The following PARD6G variants were observed in gnomAD, a reference collection of about 807,000 sequenced individuals.
PARD6G encodes the protein par-6 family cell polarity regulator gamma.
PARD6G carries 7 observed loss-of-function variants against 10.7 expected under a neutral mutation model. The observed-to-expected ratio is 0.66, with a 90% CI of 0.37 to 1.23. PARD6G has a LOEUF of 1.23. Ranked by LOEUF, PARD6G falls within the 50% of genes most tolerant of loss-of-function variation. The pLI is 0.02. For synonymous variants in PARD6G, 287 were observed against 269.4 expected (o/e 1.07, Z -0.64); for missense variants, 548 against 571.8 (o/e 0.96, Z 0.42).
intron 1 of PARD6G, among the ~76,000 whole-genome samples, chr18:80,212,434 G>C (rs1238335199): frequency 6.6e-6 from 1 of 152,266 alleles, no homozygotes; most frequent in Non-Finnish European, 1.5e-5. Context: ...GCTGCAGTAT[G>C]AAAGTGCCGG....
At chr18:80,222,359 G>T (rs921480680) in intron 1 of PARD6G, among the ~76,000 whole-genome samples, 4 of 152,220 alleles carry the variant, frequency 2.6e-5, no homozygotes, top group African/African-American at 9.6e-5. Context: ...AAAGTGTTGG[G>T]ACTATAAGCA....
At chr18:80,186,258 G>A (rs1186408114) in intron 2 of PARD6G, among the ~76,000 whole-genome samples, 3 of 133,788 alleles carry the variant, frequency 2.2e-5, no homozygotes, top group Non-Finnish European at 4.7e-5. Flanking sequence ...TCACACACAT[G>A]CACCCACACA....
chr18:80,240,798 G>T (rs1018987635), intron 1 of PARD6G, among the ~76,000 whole-genome samples: 3 of 152,166 alleles, frequency 2.0e-5, no homozygotes, highest in Non-Finnish European at 4.4e-5. Flanking sequence ...GGAGACGTGA[G>T]GCTGTGGATC....
rs1418134890 is a variant in PARD6G, at chr18:80,183,314, AAAC to A, written c.295+19393_295+19395del. ...TACGCTGACCTTCTCAGTGGCTCTA[AAAC>A]AACAAGCGAAAGACAAAAAACCACC... On this transcript the variant is annotated intron_variant, in intron 2 of 2. Coordinates refer to ENST00000353265, the MANE Select transcript of PARD6G (RefSeq NM_032510.4). This position sits in a 1 kb window ranked among gnomAD's most constrained non-coding sequence, Gnocchi z 4.5. Among the ~76,000 whole-genome samples, 1 of 152,196 alleles carries A rather than the reference AAAC, an allele frequency of 6.6e-6. No homozygotes were observed. The highest frequency in any genetic ancestry group is 6.5e-5 in the Admixed American group (1 of 15,288).
At chr18:80,237,302 A>G (rs1275040642) in intron 1 of PARD6G, among the ~76,000 whole-genome samples, 1 of 152,198 alleles carries the variant, frequency 6.6e-6, no homozygotes, top group African/African-American at 2.4e-5. Flanking sequence ...AGCCATATGT[A>G]GAAAGCTGAA....
chr18:80,166,840 T>G (rs2052739379), intron 2 of PARD6G, among the ~76,000 whole-genome samples: 1 of 151,790 alleles, frequency 6.6e-6, no homozygotes, highest in Non-Finnish European at 1.5e-5. Context: ...TCAGGGCCCC[T>G]TCTCCACACC....
chr18:80,245,757 C>T (rs866172302), intron 1 of PARD6G, among the ~76,000 whole-genome samples: 14 of 152,290 alleles, frequency 9.2e-5, no homozygotes, highest in African/African-American at 2.9e-4. Context: ...ACCTCCCGCC[C>T]ATGCTTGTGG....
intron 1 of PARD6G, among the ~76,000 whole-genome samples, chr18:80,241,238 G>A (rs1408791419): frequency 6.6e-6 from 1 of 152,150 alleles, no homozygotes; most frequent in African/African-American, 2.4e-5. Context: ...CCTGAGAGGG[G>A]TGTGAGCCCT....
At position 80,247,431 on chromosome 18, in the gene PARD6G, C is replaced by G; in HGVS notation, c.-83G>C. 4 of 932,076 alleles carry G rather than the reference C, an allele frequency of 4.3e-6. No individual in the cohort carries two copies. The allele number at this position is 932,076 out of a possible 1,614,324, so 57.7% of individuals were successfully genotyped here. On this transcript the variant is annotated 5_prime_UTR_variant, in exon 1 of 3. Coordinates refer to ENST00000353265, the MANE Select transcript of PARD6G (RefSeq NM_032510.4). This position sits in a 1 kb window ranked among gnomAD's most constrained non-coding sequence, Gnocchi z 4.2. Reference sequence around the variant, plus strand: ...CTCCCGGGGGCGGCGCCCCCAGGCCCCGGCCCCGGCCCCGGCCCGCGCTCG... The same window carrying G: ...CTCCCGGGGGCGGCGCCCCCAGGCCGCGGCCCCGGCCCCGGCCCGCGCTCG...
chr18:80,186,460 C>A (rs1000826694), intron 2 of PARD6G, among the ~76,000 whole-genome samples: 2 of 137,232 alleles, frequency 1.5e-5, no homozygotes, highest in East Asian at 2.2e-4. Context: ...CACGCATACA[C>A]CCTCAAGGCT....
At chr18:80,241,522 C>A (rs559942802) in intron 1 of PARD6G, among the ~76,000 whole-genome samples, 30 of 152,120 alleles carry the variant, frequency 2.0e-4, no homozygotes, top group African/African-American at 7.2e-4. Context: ...GAACTATCTG[C>A]AATTGCAATG....
chr18:80,214,320 C>A (rs1358081448), intron 1 of PARD6G, among the ~76,000 whole-genome samples: 1 of 151,792 alleles, frequency 6.6e-6, no homozygotes, highest in Admixed American at 6.6e-5. Context: ...CAAAAATTAG[C>A]CAGGTGTGGG....
chr18:80,190,392 C>G (rs190645243), intron 2 of PARD6G, among the ~76,000 whole-genome samples: 26 of 152,304 alleles, frequency 1.7e-4, no homozygotes, highest in Non-Finnish European at 3.2e-4. Flanking sequence ...CACTGCCTCT[C>G]GTCCAGAGTC....
chr18:80,202,568 G>T (rs187762687), intron 2 of PARD6G, 142 bp downstream of exon 2: 2 of 646,712 alleles, frequency 3.1e-6, no homozygotes, highest in East Asian at 5.5e-5. Flanking sequence ...TAATGCTGAT[G>T]AAACAATTTT....
chr18:80,195,929 C>T (rs1449021768), intron 2 of PARD6G, among the ~76,000 whole-genome samples: 2 of 150,014 alleles, frequency 1.3e-5, no homozygotes, highest in Non-Finnish European at 3.0e-5. Context: ...CCAATTCAAA[C>T]GTTACTCTAG....
At chr18:80,178,848 G>C (rs555052156) in intron 2 of PARD6G, among the ~76,000 whole-genome samples, 6 of 152,264 alleles carry the variant, frequency 3.9e-5, no homozygotes, top group Admixed American at 1.3e-4. Flanking sequence ...CCATGTGTAG[G>C]AGCAGGTCCA....
At chr18:80,168,080 C>T (rs1049284627) in intron 2 of PARD6G, among the ~76,000 whole-genome samples, 1 of 152,096 alleles carries the variant, frequency 6.6e-6, no homozygotes, top group African/African-American at 2.4e-5. Context: ...ATGGGCCGGC[C>T]GTGGTCTGCA....
chr18:80,198,415 A>AAT (rs1341823032), intron 2 of PARD6G, among the ~76,000 whole-genome samples: 1 of 152,260 alleles, frequency 6.6e-6, no homozygotes, highest in East Asian at 1.9e-4. Context: ...TCATGCATTA[A>AAT]ATAACAATAT....
At chr18:80,196,978 C>T (rs1360533449) in intron 2 of PARD6G, among the ~76,000 whole-genome samples, 1 of 148,242 alleles carries the variant, frequency 6.7e-6, no homozygotes, top group Non-Finnish European at 1.5e-5. Context: ...GCAAACATGT[C>T]TCATGGAAAA....
Sources: allele counts gnomAD v4.1 joint callset (sites outside exome capture counted in the v4.1 genomes callset), GRCh38; gene constraint gnomAD v4.1.1; non-coding constraint Gnocchi (gnomAD v3.1); transcripts MANE v1.5; gene names NCBI Gene and HGNC (gene_info 2026-07-23, HGNC 2026-07-21).